NEK7: variants seen among roughly 807,000 people sequenced by gnomAD.
The protein encoded by NEK7 is serine/threonine-protein kinase Nek7.
Under a neutral mutation model 44.6 loss-of-function variants are expected in NEK7, and 18 were observed. That is an observed-to-expected ratio of 0.40 (90% CI 0.28 to 0.60). The LOEUF is 0.60. NEK7 is among the 20% of genes least tolerant of loss of function. NEK7 has a pLI of 0.38. For missense variants in NEK7, 256 were observed against 366.5 expected (o/e 0.70, Z 2.46); for synonymous variants, 130 against 121.1 (o/e 1.07, Z -0.48).
At chr1:198,180,693 G>A (rs1446513368) in intron 1 of NEK7, among the ~76,000 whole-genome samples, 1 of 152,006 alleles carries the variant, frequency 6.6e-6, no homozygotes, top group Non-Finnish European at 1.5e-5. Flanking sequence ...TTTGCTTGTG[G>A]AAGAATTGCA....
At chr1:198,197,350 TATG>T (rs1214590429) in intron 1 of NEK7, among the ~76,000 whole-genome samples, 3 of 152,200 alleles carry the variant, frequency 2.0e-5, no homozygotes, top group East Asian at 1.9e-4. Flanking sequence ...TGAATACCAA[TATG>T]ATAAGATACT....
chr1:198,305,595 A>C (rs1558103686), intron 9 of NEK7, among the ~76,000 whole-genome samples: 1 of 152,114 alleles, frequency 6.6e-6, no homozygotes, highest in Non-Finnish European at 1.5e-5. Flanking sequence ...ACTATATTTC[A>C]TTTGGAGGGA....
At chr1:198,173,429 TTA>T (rs1558041289) in intron 1 of NEK7, among the ~76,000 whole-genome samples, 4 of 147,886 alleles carry the variant, frequency 2.7e-5, no homozygotes, top group Non-Finnish European at 1.5e-5. Flanking sequence ...ACTCTGTCTT[TTA>T]AAAAAAAAAA....
chr1:198,187,199 G>A (rs377395387), intron 1 of NEK7, among the ~76,000 whole-genome samples: 23 of 152,264 alleles, frequency 1.5e-4, no homozygotes, highest in African/African-American at 5.1e-4. Flanking sequence ...GCCTAGATGA[G>A]GCACATGTTG....
chr1:198,260,948 T>C (rs1036296914), intron 3 of NEK7, among the ~76,000 whole-genome samples: 8 of 152,100 alleles, frequency 5.3e-5, no homozygotes, highest in Non-Finnish European at 8.8e-5. Flanking sequence ...TTATCTAATA[T>C]CTTCATATGG....
At chr1:198,238,114 G>A (rs898534303) in intron 2 of NEK7, among the ~76,000 whole-genome samples, 13 of 152,018 alleles carry the variant, frequency 8.6e-5, no homozygotes, top group African/African-American at 3.1e-4. Context: ...CTTTCATTAT[G>A]CATGTAACCA....
At chr1:198,270,436 G>GTA (rs1558088118) in intron 5 of NEK7, among the ~76,000 whole-genome samples, 1 of 151,792 alleles carries the variant, frequency 6.6e-6, no homozygotes, top group African/African-American at 2.4e-5. Context: ...ATGTCATACC[G>GTA]TATCACAGTG....
chr1:198,194,130 C>T (rs999615504), intron 1 of NEK7, among the ~76,000 whole-genome samples: 1 of 152,140 alleles, frequency 6.6e-6, no homozygotes, highest in African/African-American at 2.4e-5. Flanking sequence ...TCTCAGAATA[C>T]AAAATCACTT....
intron 1 of NEK7, among the ~76,000 whole-genome samples, chr1:198,215,688 T>C (rs1186986480): frequency 1.3e-5 from 2 of 152,074 alleles, no homozygotes; most frequent in Non-Finnish European, 2.9e-5. Flanking sequence ...AGGATTCTTA[T>C]GGACTTAAGG....
intron 1 of NEK7, among the ~76,000 whole-genome samples, chr1:198,222,498 C>T (rs921364352): frequency 2.0e-5 from 3 of 152,020 alleles, no homozygotes; most frequent in South Asian, 4.1e-4. Flanking sequence ...TTTTATTTCC[C>T]CTCTATTACC....
intron 7 of NEK7, among the ~76,000 whole-genome samples, chr1:198,290,266 A>C (rs1466467069): frequency 6.6e-6 from 1 of 152,176 alleles, no homozygotes; most frequent in Non-Finnish European, 1.5e-5. Context: ...ATCACTCCAT[A>C]ACTCTCTTTT....
intron 5 of NEK7, 48 bp from the exon 6 acceptor site, chr1:198,277,913 C>G: frequency 9.1e-7 from 1 of 1,103,934 alleles, no homozygotes; most frequent in Non-Finnish European, 1.4e-6. Flanking sequence ...AGAATCCAGT[C>G]TTGAGAAATT....
chr1:198,258,187 T>C (rs984025662), intron 3 of NEK7, among the ~76,000 whole-genome samples: 1 of 152,170 alleles, frequency 6.6e-6, no homozygotes, highest in East Asian at 1.9e-4. Flanking sequence ...ACGCCTGTAA[T>C]CCCAGCATTT....
At chr1:198,212,765 A>G (rs1439244939) in intron 1 of NEK7, among the ~76,000 whole-genome samples, 4 of 152,224 alleles carry the variant, frequency 2.6e-5, no homozygotes, top group Non-Finnish European at 5.9e-5. Flanking sequence ...TGTCACCACT[A>G]CGGCTGATCC....
At chr1:198,176,047 C>G (rs541511011) in intron 1 of NEK7, among the ~76,000 whole-genome samples, 60 of 152,280 alleles carry the variant, frequency 3.9e-4, no homozygotes, top group Middle Eastern at 3.4e-3. Context: ...TGTCTTTAAT[C>G]GAAAGCAGGT....
intron 1 of NEK7, among the ~76,000 whole-genome samples, chr1:198,191,153 G>A (rs530513936): frequency 6.6e-6 from 1 of 151,926 alleles, no homozygotes; most frequent in African/African-American, 2.4e-5. Flanking sequence ...TCACTATGTG[G>A]CTATTACAAA....
intron 5 of NEK7, among the ~76,000 whole-genome samples, chr1:198,267,302 TTCAA>T (rs764506324): frequency 3.0e-4 from 45 of 151,928 alleles, no homozygotes; most frequent in Non-Finnish European, 5.3e-4. Flanking sequence ...CATTCATTCA[TTCAA>T]GAAACTTATT....
intron 8 of NEK7, among the ~76,000 whole-genome samples, chr1:198,295,806 C>CTATTATTATTATTAT (rs35583566): frequency 1.4e-5 from 2 of 146,434 alleles, no homozygotes; most frequent in African/African-American, 5.0e-5. Flanking sequence ...ACAAAAACCA[C>CTATTATTATTATTAT]TATTATTATT....
At chr1:198,214,900 G>GA (rs1266885163) in intron 1 of NEK7, among the ~76,000 whole-genome samples, 2 of 151,948 alleles carry the variant, frequency 1.3e-5, no homozygotes, top group Non-Finnish European at 1.5e-5. Context: ...AAGTCAATGT[G>GA]AAAAAAAGAA....
Sources: allele counts gnomAD v4.1 joint callset (sites outside exome capture counted in the v4.1 genomes callset), GRCh38; gene constraint gnomAD v4.1.1; transcripts MANE v1.5; gene names NCBI Gene and HGNC (gene_info 2026-07-23, HGNC 2026-07-21).